SOHLH2: variants seen among roughly 807,000 people sequenced by gnomAD.
SOHLH2 encodes spermatogenesis- and oogenesis-specific basic helix-loop-helix-containing protein 2.
In SOHLH2, 22 loss-of-function variants were observed where a neutral mutation model predicts 50.4. The observed-to-expected ratio is 0.44, with a 90% CI of 0.31 to 0.62. The LOEUF (loss-of-function observed/expected upper bound fraction) is 0.62, where lower values mean the gene tolerates loss of function less well. Ranked by LOEUF, SOHLH2 falls within the 20% of genes least tolerant of loss-of-function variation. SOHLH2 has a pLI of 0.08. For missense variants in SOHLH2, 412 were observed against 504.4 expected (o/e 0.82, Z 1.76); for synonymous variants, 185 against 187.3 (o/e 0.99, Z 0.10).
chr13:36,189,076 T>G (rs1349915529), intron 6 of SOHLH2, among the ~76,000 whole-genome samples: 2 of 152,150 alleles, frequency 1.3e-5, no homozygotes, highest in Admixed American at 1.3e-4. Flanking sequence ...TACACCTCAC[T>G]TATCCTTAGC....
In SOHLH2 at chr13:36,178,126, A is replaced by G. The variant is rs117805173; in HGVS notation, c.642-3257T>C. 1.4e-4 allele frequency among the ~76,000 whole-genome samples: 21 copies of G among 152,102 alleles called. No individual in the cohort carries two copies. The East Asian group carries it at 3.9e-3, about 28-fold the overall frequency. The stretch of plus-strand genomic sequence containing the variant: ...AAAAATTCTTTTCCTAAGTTGCAAT[A>G]GCCACATTTCGAATACTCAATAACC... On this transcript the variant is annotated intron_variant, in intron 6 of 10. Coordinates refer to ENST00000379881, the MANE Select transcript of SOHLH2 (RefSeq NM_017826.3).
intron 9 of SOHLH2, 23 bp from the exon 10 acceptor site, chr13:36,170,810 T>G (rs772948209): frequency 6.2e-7 from 1 of 1,603,532 alleles, no homozygotes; most frequent in Non-Finnish European, 8.5e-7. Context: ...AGAAAACAAA[T>G]ATGGGTCAGT....
chr13:36,208,595 T>C (rs1328776072), intron 1 of SOHLH2, among the ~76,000 whole-genome samples: 1 of 152,200 alleles, frequency 6.6e-6, no homozygotes, highest in Non-Finnish European at 1.5e-5. Flanking sequence ...CATGACTATC[T>C]GGAATTTTAG....
chr13:36,177,116 T>C (rs1887115800), intron 6 of SOHLH2, among the ~76,000 whole-genome samples: 1 of 152,126 alleles, frequency 6.6e-6, no homozygotes, highest in African/African-American at 2.4e-5. Flanking sequence ...TAGTATTTTT[T>C]TTCCATACCA....
intron 1 of SOHLH2, among the ~76,000 whole-genome samples, chr13:36,208,220 G>A (rs1868898503): frequency 6.6e-6 from 1 of 152,112 alleles, no homozygotes; most frequent in Non-Finnish European, 1.5e-5. Context: ...GATCTTGCCT[G>A]TAGCAATTAT....
chr13:36,185,116 G>C (rs912382056), intron 6 of SOHLH2, among the ~76,000 whole-genome samples: 1 of 152,090 alleles, frequency 6.6e-6, no homozygotes, highest in Non-Finnish European at 1.5e-5. Context: ...CTTTGTTATG[G>C]CTACATAGTA....
chr13:36,193,911 T>A (rs1277179751), intron 2 of SOHLH2, 44 bp from the exon 3 acceptor site: 1 of 1,567,120 alleles, frequency 6.4e-7, no homozygotes, highest in Non-Finnish European at 8.6e-7. Context: ...AAATCATTAT[T>A]CAAAAAATTG....
intron 6 of SOHLH2, among the ~76,000 whole-genome samples, chr13:36,181,128 G>A (rs997404458): frequency 3.3e-5 from 5 of 151,962 alleles, no homozygotes; most frequent in African/African-American, 7.2e-5. Context: ...CCTCTTTACC[G>A]CAGGTAATAC....
Position 36,214,528 on chromosome 13 carries a change from G to A in SOHLH2, c.-2C>T. ...CTGGCAGATAATTGAGGAAGCCATG[G>A]CCGCTGCGCACGTGCTGGGTCCTGG... On this transcript the variant is annotated 5_prime_UTR_variant, in exon 1 of 11. Coordinates refer to ENST00000379881, the MANE Select transcript of SOHLH2 (RefSeq NM_017826.3). 6.2e-7 allele frequency: 1 copy of A among 1,611,552 alleles called. No individual in the cohort carries two copies. Among genetic ancestry groups the A allele is most frequent in the Non-Finnish European group, 8.5e-7 (1 of 1,179,100 alleles).
chr13:36,205,326 T>C (rs1245542224), intron 1 of SOHLH2, among the ~76,000 whole-genome samples: 2 of 152,164 alleles, frequency 1.3e-5, no homozygotes, highest in African/African-American at 2.4e-5. Context: ...ACAGTAGGTG[T>C]TCCTGTCTTG....
intron 6 of SOHLH2, among the ~76,000 whole-genome samples, chr13:36,179,660 G>GCC (rs1358562451): frequency 1.3e-5 from 2 of 151,964 alleles, no homozygotes; most frequent in Non-Finnish European, 2.9e-5. Context: ...TGATCCACCT[G>GCC]CCTCAGCCTC....
intron 2 of SOHLH2, among the ~76,000 whole-genome samples, chr13:36,196,125 T>TA (rs775000400): frequency 4.4e-5 from 6 of 134,950 alleles, no homozygotes; most frequent in African/African-American, 1.8e-4. Flanking sequence ...GATAGATAGA[T>TA]AATTTTTTTT....
chr13:36,214,323 C>T (rs1390773404), intron 1 of SOHLH2, among the ~76,000 whole-genome samples, 156 bp downstream of exon 1: 5 of 151,968 alleles, frequency 3.3e-5, no homozygotes, highest in Admixed American at 2.6e-4. Flanking sequence ...AGAGTGGACT[C>T]GCGTCCTGGA....
chr13:36,191,959 C>T, intron 4 of SOHLH2, 65 bp from the exon 5 acceptor site: 2 of 1,552,536 alleles, frequency 1.3e-6, no homozygotes, highest in African/African-American at 1.4e-5. Context: ...GCTAATCAAA[C>T]ACACAAGCCC....
chr13:36,191,788 A>T lies in SOHLH2; in HGVS notation c.530+7T>A. ...ATTGCTATTATGAAAAAGAACAAAAAACTAACCAGGCAAATAGATCAGTAG... is the reference window on the plus strand; with the variant it reads ...ATTGCTATTATGAAAAAGAACAAAATACTAACCAGGCAAATAGATCAGTAG... On this transcript the variant is annotated splice_region_variant and intron_variant, in intron 5 of 10. Transcript: ENST00000379881. 1.2e-6 allele frequency: 2 copies of T among 1,613,344 alleles called. No homozygotes were observed. The highest frequency in any genetic ancestry group is 1.7e-6 in the Non-Finnish European group (2 of 1,179,670).
At chr13:36,212,958 A>C (rs1593966623) in intron 1 of SOHLH2, among the ~76,000 whole-genome samples, 1 of 152,364 alleles carries the variant, frequency 6.6e-6, no homozygotes, top group Non-Finnish European at 1.5e-5. Flanking sequence ...CAGGTGCTGA[A>C]GTGCTTAAAG....
In SOHLH2 at chr13:36,174,836, A is replaced by T; in HGVS notation, c.675T>A (p.Arg225=). The T allele has an allele frequency of 6.3e-7, 1 of 1,598,314 alleles. No individual in the cohort carries two copies. The highest frequency in any genetic ancestry group is 8.5e-7 in the Non-Finnish European group (1 of 1,175,728). The change falls in exon 7 of 11, where the codon CGT becomes CGA. Residue 225 remains arginine (R), a synonymous_variant. Transcript: ENST00000379881. ...TCCCTTTTACATACGGCAAGAGAGTACGCAGCTGCTCACAGCAATATTTGA... is the reference window on the plus strand; with the variant it reads ...TCCCTTTTACATACGGCAAGAGAGTTCGCAGCTGCTCACAGCAATATTTGA... ...ERIKYCCEQL[R]TLLPYVKGRK...
At chr13:36,198,244 G>A (rs2149423) in intron 2 of SOHLH2, among the ~76,000 whole-genome samples, 89,444 of 151,994 alleles carry the variant, frequency 0.59, 26,498 homozygotes, top group East Asian at 0.68. Context: ...TTTTAACTGC[G>A]GAACCATTTC....
intron 6 of SOHLH2, among the ~76,000 whole-genome samples, chr13:36,176,811 A>G (rs1003193382): frequency 2.6e-5 from 4 of 152,122 alleles, no homozygotes; most frequent in Admixed American, 6.5e-5. Flanking sequence ...CTATTCATAC[A>G]TTAACATATT....
Sources: gnomAD v4.1 joint callset for allele counts (sites outside exome capture counted in the v4.1 genomes callset) on GRCh38, gnomAD v4.1.1 for gene constraint, MANE v1.5 for transcripts, NCBI Gene and HGNC (gene_info 2026-07-23, HGNC 2026-07-21) for gene names.